Variants in KANSL3 observed in about 807,000 individuals in gnomAD.
The protein encoded by KANSL3 is KAT8 regulatory NSL complex subunit 3, also known as NSL complex protein NSL3.
Under a neutral mutation model 89.2 loss-of-function variants are expected in KANSL3, and 16 were observed. The ratio of observed to expected loss-of-function variants is 0.18; its 90% CI spans 0.12 to 0.27. The LOEUF is 0.27. Among genes scored for constraint, KANSL3 ranks in the 10% least tolerant of loss-of-function variants. The pLI, the probability that KANSL3 is intolerant of heterozygous loss-of-function variation, is 1.00. For synonymous variants in KANSL3, 385 were observed against 419.7 expected (o/e 0.92, Z 1.01); for missense variants, 879 against 1,110.6 (o/e 0.79, Z 2.96).
At chr2:96,601,401 C>T in intron 20 of KANSL3, 4 of 985,310 alleles carry the variant, frequency 4.1e-6, no homozygotes, top group Non-Finnish European at 4.8e-6. Flanking sequence ...ATACTAGACA[C>T]TGCTACCCAC....
At chr2:96,598,343 G>T (rs1269787119) in intron 20 of KANSL3, among the ~76,000 whole-genome samples, 1 of 152,146 alleles carries the variant, frequency 6.6e-6, no homozygotes, top group Non-Finnish European at 1.5e-5. Context: ...ACAGAAGTAG[G>T]GGGTGGAGGG....
chr2:96,611,152 AAC>A lies in KANSL3; in HGVS notation c.1087-16_1087-15del, dbSNP rs2068858042. ...CATTACTGACACCTGTAAATAACAG[AAC>A]AGTTTGTCTAAACGTCAACTGAGTT... is the stretch of plus-strand genomic sequence containing the variant. On this transcript the variant is annotated splice_polypyrimidine_tract_variant and intron_variant, in intron 9 of 20. Transcript: ENST00000431828. 4 of 1,612,480 alleles carry A rather than the reference AAC, an allele frequency of 2.5e-6. No homozygotes were observed. Among genetic ancestry groups the A allele is most frequent in the Admixed American group, 1.7e-5 (1 of 60,010 alleles).
intron 15 of KANSL3, 139 bp from the exon 16 acceptor site, chr2:96,605,002 G>A: frequency 1.5e-6 from 1 of 672,244 alleles, no homozygotes; most frequent in African/African-American, 1.8e-5. Context: ...CTAGAGTAGG[G>A]AGAGTTGGGG....
chr2:96,637,887 C>G (rs2074473249), intron 1 of KANSL3: 1 of 152,364 alleles, frequency 6.6e-6, no homozygotes, highest in Admixed American at 6.5e-5. Context: ...CCGGCTGCCC[C>G]GCAGGCGTTC....
In KANSL3 at chr2:96,616,473, T is replaced by C. The variant is rs111949008; in HGVS notation, c.664-2854A>G. 1.2e-4 allele frequency among the ~76,000 whole-genome samples: 19 copies of C among 152,370 alleles called. 2 individuals carry two copies. The highest frequency in any genetic ancestry group is 4.6e-4 in the African/African-American group (19 of 41,584). ...TTAAAAGGCTAAGGTCTATACCTTCTCTGCCCTCTTTATCATAATGGATCT... is the reference window on the plus strand; with the variant it reads ...TTAAAAGGCTAAGGTCTATACCTTCCCTGCCCTCTTTATCATAATGGATCT... On this transcript the variant is annotated intron_variant, in intron 5 of 20. Coordinates refer to ENST00000431828, the MANE Select transcript of KANSL3 (RefSeq NM_001115016.3).
downstream of KANSL3, among the ~76,000 whole-genome samples, chr2:96,589,609 T>C (rs1286912665): frequency 6.6e-6 from 1 of 152,150 alleles, no homozygotes; most frequent in South Asian, 2.1e-4. Flanking sequence ...AGTTGGAAAT[T>C]TCAACACCAC....
At chr2:96,621,548 C>T (rs545694904) in intron 3 of KANSL3, among the ~76,000 whole-genome samples, 17 of 151,442 alleles carry the variant, frequency 1.1e-4, no homozygotes, top group African/African-American at 3.9e-4. Context: ...TTAAGCCAGG[C>T]GTGGTAGCAT....
In KANSL3 at chr2:96,636,947, AGTGACAAAGAGCATGCGG is replaced by A; in HGVS notation, c.171_188del (p.Arg58_Thr63del). ...TGGTACTTTCGTGCTGCCGCCGGGG[AGTGACAAAGAGCATGCGG>A]GTGGGGCGGGCACTACTGGCATCTG... On this transcript the variant is annotated inframe_deletion, in exon 2 of 21. Transcript: ENST00000431828. 6.5e-7 allele frequency: 1 copy of A among 1,541,748 alleles called. No homozygotes were observed. Among genetic ancestry groups the A allele is most frequent in the Non-Finnish European group, 8.8e-7 (1 of 1,141,106 alleles).
intron 5 of KANSL3, chr2:96,615,420 G>C: frequency 2.4e-6 from 2 of 825,858 alleles, no homozygotes; most frequent in Non-Finnish European, 3.5e-6. Flanking sequence ...TCTCATGTCT[G>C]TTTTTTACTA....
rs1322189815 is a variant in KANSL3 at position 96,602,816 on chromosome 2, C to A, written c.2196G>T (p.Leu732Phe). 1.9e-6 allele frequency: 3 copies of A among 1,613,174 alleles called. No individual in the cohort carries two copies. The East Asian group carries it at 6.7e-5, about 36-fold the overall frequency. ...SSLLQGLSFSLQDISSKTSGL... is the reference protein window; with the variant it reads ...SSLLQGLSFSFQDISSKTSGL... The stretch of plus-strand genomic sequence containing the variant: ...CAGAGGTCTTGCTGCTGATATCCTG[C>A]AAGCTGAAGCTGAGGCCTTGGAGGA... Residue 732 changes from leucine (L) to phenylalanine (F), a missense_variant, in exon 18 of 21, where the codon TTG becomes TTT. By Grantham distance (22) the Leu-to-Phe change is conservative (BLOSUM62 0). This residue lies in a region of KANSL3 where 89 missense variants were observed against 139.7 expected (regional missense o/e 0.64). Transcript: ENST00000431828.
chr2:96,591,777 G>C (rs2066279228), downstream of KANSL3, among the ~76,000 whole-genome samples: 3 of 152,084 alleles, frequency 2.0e-5, no homozygotes, highest in African/African-American at 7.2e-5. Flanking sequence ...ATCCATAAAG[G>C]GTTCTGCAGC....
At chr2:96,580,762 ACAT>A in the KANSL3 span, among the ~76,000 whole-genome samples, 2 of 152,346 alleles carry the variant, frequency 1.3e-5, no homozygotes, top group East Asian at 3.9e-4. Context: ...CAAAACAGAG[ACAT>A]CATAGAGCCA....
At chr2:96,591,047 A>G (rs559736884), downstream of KANSL3, among the ~76,000 whole-genome samples, 1 of 152,322 alleles carries the variant, frequency 6.6e-6, no homozygotes, top group Admixed American at 6.5e-5. Flanking sequence ...CAATTGCCAC[A>G]GTAGCTTTAT....
intron 2 of KANSL3, among the ~76,000 whole-genome samples, chr2:96,633,297 T>C (rs980323667): frequency 9.3e-5 from 14 of 151,118 alleles, no homozygotes; most frequent in Admixed American, 4.6e-4. Flanking sequence ...AGGCTGGGCG[T>C]AGTGGCTCGC....
Position 96,605,414 on chromosome 2 carries a change from C to A in KANSL3, c.1839G>T (p.Lys613Asn), listed in dbSNP as rs753654868. The A allele has an allele frequency of 6.2e-7, 1 of 1,613,882 alleles. No homozygotes were observed. The highest frequency in any genetic ancestry group is 1.3e-5 in the African/African-American group (1 of 74,936). ...CCTTGATCTTCGGTCGTTTGGAGGT[C>A]TTACTGCCAGGAAGGGGACTCGAGG... The part of the protein sequence containing the change: ...HHPSSPLPGS[K>N]TSKRPKIKVS... The change falls in exon 15 of 21, where the codon AAG (lysine) becomes AAT (asparagine). Residue 613 changes from lysine to asparagine, a missense_variant. Transcript: ENST00000431828.
At chr2:96,638,079 C>A (rs1366251705) in intron 1 of KANSL3, 3 of 152,528 alleles carry the variant, frequency 2.0e-5, no homozygotes, top group East Asian at 3.9e-4. Context: ...GCTCGGCGTC[C>A]GCGTCACGGA....
At chr2:96,616,859 C>T (rs759838400) in intron 5 of KANSL3, among the ~76,000 whole-genome samples, 2 of 152,190 alleles carry the variant, frequency 1.3e-5, no homozygotes, top group East Asian at 3.9e-4. Flanking sequence ...TCATAATATC[C>T]GACATGCACC....
chr2:96,626,333 G>A (rs1229315569), intron 3 of KANSL3, among the ~76,000 whole-genome samples: 2 of 141,792 alleles, frequency 1.4e-5, no homozygotes, highest in Non-Finnish European at 3.0e-5. Context: ...TAGAAGAAGG[G>A]AAGGAATGAA....
chr2:96,603,197 C>T, intron 17 of KANSL3: 1 of 212,326 alleles, frequency 4.7e-6, no homozygotes, highest in South Asian at 1.1e-4. Context: ...AAATATCCAA[C>T]TTTCACTTCG....
Sources: allele counts gnomAD v4.1 joint callset (sites outside exome capture counted in the v4.1 genomes callset), GRCh38; gene constraint gnomAD v4.1.1; regional missense constraint gnomAD v4.1.1; transcripts MANE v1.5; gene names NCBI Gene and HGNC (gene_info 2026-07-23, HGNC 2026-07-21).